ADAM2: variants seen among roughly 807,000 people sequenced by gnomAD.
The protein encoded by ADAM2 is disintegrin and metalloproteinase domain-containing protein 2.
ADAM2 carries 101 observed loss-of-function variants against 99.3 expected under a neutral mutation model. The ratio of observed to expected loss-of-function variants is 1.02; its 90% confidence interval spans 0.87 to 1.20. The LOEUF is 1.20. ADAM2 is among the 50% of genes most tolerant of loss of function. ADAM2 has a pLI of 0.00. For synonymous variants in ADAM2, 323 were observed against 287.6 expected, an observed-to-expected ratio of 1.12 and a Z score of -1.25; for missense variants, 948 against 878.7, an observed-to-expected ratio of 1.08 and a Z score of -1.00.
intron 20 of ADAM2, 99 bp downstream of exon 20, chr8:39,744,731 C>A: frequency 1.4e-6 from 1 of 720,906 alleles, no homozygotes; most frequent in Non-Finnish European, 2.2e-6. Context: ...CAGCAAACCA[C>A]CATGGCACAT....
intron 3 of ADAM2, among the ~76,000 whole-genome samples, chr8:39,828,075 C>G (rs7463616): frequency 6.6e-6 from 1 of 151,458 alleles, no homozygotes; most frequent in Non-Finnish European, 1.5e-5. Flanking sequence ...TAATTTAAAA[C>G]AAGCAGTCTT....
Position 39,788,071 on chromosome 8 carries a change from C to G in ADAM2, c.809+14G>C. ...TCTTCAGATAAACTTTATATAATGTCAAGATATCCTTACACAAGTAAAAAT... is the reference window on the plus strand; with the variant it reads ...TCTTCAGATAAACTTTATATAATGTGAAGATATCCTTACACAAGTAAAAAT... On this transcript the variant is annotated intron_variant, in intron 9 of 20. Transcript: ENST00000265708. The G allele has an allele frequency of 6.9e-7, 1 of 1,452,366 alleles. No homozygotes were observed. The highest frequency in any genetic ancestry group is 9.1e-7 in the Non-Finnish European group (1 of 1,097,500). The allele number at this position is 1,452,366 out of a possible 1,614,324, so 90.0% of individuals were successfully genotyped here.
At chr8:39,810,502 C>T (rs1050763275) in intron 6 of ADAM2, among the ~76,000 whole-genome samples, 3 of 152,212 alleles carry the variant, frequency 2.0e-5, no homozygotes, top group African/African-American at 7.2e-5. Flanking sequence ...CACCACATCG[C>T]ACTTATTCCA....
intron 18 of ADAM2, among the ~76,000 whole-genome samples, chr8:39,747,060 GT>G (rs1199207831): frequency 6.6e-6 from 1 of 152,116 alleles, no homozygotes; most frequent in Non-Finnish European, 1.5e-5. Context: ...TATGCCTATA[GT>G]TTTTTGTTGT....
chr8:39,809,805 C>G lies in ADAM2; in HGVS notation c.514-339G>C, dbSNP rs183100904. Among the ~76,000 whole-genome samples the G allele has an allele frequency of 1.8e-3, 275 of 152,256 alleles. 1 individual carries two copies. The highest frequency in any genetic ancestry group is 3.7e-3 in the South Asian group (18 of 4,824). ...AAGCACTAAACATGGAAAGGAAAAA[C>G]CGGTACCAGCCACTGCAAAAACATG... On this transcript the variant is annotated intron_variant, in intron 6 of 20. Coordinates refer to ENST00000265708, the MANE Select transcript of ADAM2 (RefSeq NM_001464.5).
chr8:39,769,950 CTTTTTTT>C (rs60250805), intron 11 of ADAM2, among the ~76,000 whole-genome samples: 186 of 134,854 alleles, frequency 1.4e-3, no homozygotes, highest in African/African-American at 4.8e-3. Flanking sequence ...TTTCTTTTTT[CTTTTTTT>C]TTTTTTTGAG....
At chr8:39,826,396 A>T (rs1805400340) in intron 3 of ADAM2, among the ~76,000 whole-genome samples, 1 of 152,194 alleles carries the variant, frequency 6.6e-6, no homozygotes, top group Admixed American at 6.5e-5. Flanking sequence ...ACATGCAGAA[A>T]AACAAAATTG....
intron 7 of ADAM2, among the ~76,000 whole-genome samples, chr8:39,792,617 T>C (rs1803768087): frequency 6.6e-6 from 1 of 152,072 alleles, no homozygotes; most frequent in Non-Finnish European, 1.5e-5. Context: ...ACCACCTTTA[T>C]ATCTTGGTCA....
At chr8:39,816,754 T>A (rs111329335) in intron 6 of ADAM2, among the ~76,000 whole-genome samples, 4 of 152,344 alleles carry the variant, frequency 2.6e-5, no homozygotes, top group African/African-American at 9.6e-5. Flanking sequence ...AGATTTGTAG[T>A]TTCCCGGGAA....
chr8:39,755,780 G>A lies in ADAM2; in HGVS notation c.1745C>T (p.Ala582Val), dbSNP rs1375623118. Reference protein sequence around the residue: ...CIAVEFASDHADSQKMWIKDG... With the variant: ...CIAVEFASDHVDSQKMWIKDG... ...TTTTATCCACATCTTTTGGCTGTCT[G>A]CATGATCACTGGCAAATTCCACAGC... Residue 582 changes from alanine to valine, a missense_variant, in exon 16 of 21, where the codon GCA (alanine) becomes GTA (valine). Transcript: ENST00000265708. 1.2e-6 allele frequency: 2 copies of A among 1,613,616 alleles called. No individual in the cohort carries two copies. The highest frequency in any genetic ancestry group is 2.2e-5 in the East Asian group (1 of 44,848).
intron 6 of ADAM2, among the ~76,000 whole-genome samples, chr8:39,820,151 C>G (rs909491979): frequency 1.3e-5 from 2 of 152,132 alleles, no homozygotes; most frequent in African/African-American, 4.8e-5. Flanking sequence ...TTTTGTCAAA[C>G]TAGCAAATAT....
intron 14 of ADAM2, among the ~76,000 whole-genome samples, chr8:39,763,230 A>C (rs1346219770): frequency 6.6e-6 from 1 of 152,236 alleles, no homozygotes; most frequent in Non-Finnish European, 1.5e-5. Flanking sequence ...ATGAATAAAA[A>C]AAATCTTGGC....
intron 6 of ADAM2, among the ~76,000 whole-genome samples, chr8:39,814,003 A>G (rs2129587353): frequency 6.6e-6 from 1 of 151,956 alleles, no homozygotes; most frequent in South Asian, 2.1e-4. Context: ...AGAAAACTAC[A>G]CAGATGCATG....
chr8:39,791,261 C>T (rs1803699442), intron 7 of ADAM2, among the ~76,000 whole-genome samples: 1 of 151,922 alleles, frequency 6.6e-6, no homozygotes, highest in African/African-American at 2.4e-5. Flanking sequence ...TCTAAGTTAG[C>T]ATAGTAAGAA....
chr8:39,798,640 T>C lies in ADAM2; in HGVS notation c.571-9900A>G, dbSNP rs574822136. Among the ~76,000 whole-genome samples, 3 of 152,292 alleles carry C rather than the reference T, an allele frequency of 2.0e-5. No individual in the cohort carries two copies. The South Asian group carries it at 6.2e-4, about 32-fold the overall frequency. ...TACCAGCTCCTCTTTGTATTTCTGG[T>C]AGAATTCAGCTGTGAGTCTGTCTGG... On this transcript the variant is annotated intron_variant, in intron 7 of 20. Coordinates refer to ENST00000265708, the MANE Select transcript of ADAM2 (RefSeq NM_001464.5).
chr8:39,823,201 T>C (rs1805268586), intron 4 of ADAM2, among the ~76,000 whole-genome samples: 1 of 152,234 alleles, frequency 6.6e-6, no homozygotes, highest in Admixed American at 6.5e-5. Context: ...GGCTTACACT[T>C]GTCCTACTCT....
At chr8:39,755,468 A>T (rs1483716088) in intron 16 of ADAM2, among the ~76,000 whole-genome samples, 1 of 152,190 alleles carries the variant, frequency 6.6e-6, no homozygotes, top group East Asian at 1.9e-4. Context: ...CGAGGTCAGG[A>T]GTTTGAGATC....
At chr8:39,834,828 G>A (rs1317405169) in intron 2 of ADAM2, among the ~76,000 whole-genome samples, 1 of 150,492 alleles carries the variant, frequency 6.6e-6, no homozygotes, top group African/African-American at 2.5e-5. Context: ...ATTATATTCA[G>A]GTACCTTCCT....
Position 39,788,720 on chromosome 8 carries a change from A to G in ADAM2, c.591T>C (p.Asp197=). Residue 197 remains aspartate, a synonymous_variant, in exon 8 of 21, where the codon GAT becomes GAC. Transcript: ENST00000265708. ...AAACTTTTTGAGCGACAACAGTTGT[A>G]TCAGACCCCATATGATTATACTGTA... ...EKQLYNHMGS[D]TTVVAQKVFQ... is the part of the protein sequence containing the mutation. 1 of 1,567,998 alleles carries G rather than the reference A, an allele frequency of 6.4e-7. No individual in the cohort carries two copies. Among genetic ancestry groups the G allele is most frequent in the South Asian group, 1.2e-5 (1 of 86,054 alleles).
Sources: gnomAD v4.1 joint callset for allele counts (sites outside exome capture counted in the v4.1 genomes callset) on GRCh38, gnomAD v4.1.1 for gene constraint, MANE v1.5 for transcripts, NCBI Gene and HGNC (gene_info 2026-07-23, HGNC 2026-07-21) for gene names.